Variants in MAP3K20 observed in about 807,000 individuals in gnomAD.
MAP3K20 encodes the protein HCCS-4.
A neutral mutation model predicts 85.7 loss-of-function variants in MAP3K20; 40 were observed. The ratio of observed to expected loss-of-function variants is 0.47; its 90% CI spans 0.36 to 0.61. The LOEUF (loss-of-function observed/expected upper bound fraction) is 0.61, where lower values mean the gene tolerates loss of function less well. Among genes scored for constraint, MAP3K20 ranks in the 20% least tolerant of loss-of-function variants. The pLI is 0.00. For missense variants in MAP3K20, 817 were observed against 961.7 expected (o/e 0.85, Z 1.99); for synonymous variants, 325 against 327.7 (o/e 0.99, Z 0.09).
At chr2:173,085,784 ATTTTTTTT>A (rs61431056) in intron 1 of MAP3K20, among the ~76,000 whole-genome samples, 9 of 73,760 alleles carry the variant, frequency 1.2e-4, no homozygotes, top group South Asian at 5.9e-4. Context: ...TGTAAAAGCA[ATTTTTTTT>A]TTTTTTTTTT....
At chr2:173,117,628 G>A (rs576765627) in intron 2 of MAP3K20, among the ~76,000 whole-genome samples, 23 of 151,560 alleles carry the variant, frequency 1.5e-4, no homozygotes, top group Admixed American at 3.3e-4. Context: ...TTAATTGCAC[G>A]AAAAGAATCA....
At chr2:173,256,198 T>C (rs1250479997) in intron 16 of MAP3K20, among the ~76,000 whole-genome samples, 2 of 152,244 alleles carry the variant, frequency 1.3e-5, no homozygotes, top group African/African-American at 4.8e-5. Context: ...ACAGCCTCTT[T>C]GTGGATGCCT....
intron 14 of MAP3K20, among the ~76,000 whole-genome samples, chr2:173,237,664 C>T (rs2106336132): frequency 6.6e-6 from 1 of 152,234 alleles, no homozygotes; most frequent in South Asian, 2.1e-4. Flanking sequence ...ATGTTGGACA[C>T]ATATCCAAAG....
Position 173,229,699 on chromosome 2 carries a change from C to T in MAP3K20, c.998C>T (p.Ser333Phe). The T allele has an allele frequency of 1.2e-6, 2 of 1,613,904 alleles. No homozygotes were observed. The highest frequency in any genetic ancestry group is 1.7e-6 in the Non-Finnish European group (2 of 1,179,966). Residue 333 changes from serine to phenylalanine, a missense_variant, in exon 12 of 20, where the codon TCC becomes TTC. Physicochemically the swap from Ser to Phe is radical, Grantham distance 155. This residue lies in a region of MAP3K20 where 158 missense variants were observed against 162.0 expected (regional missense o/e 0.98). Coordinates refer to ENST00000375213, the MANE Select transcript of MAP3K20 (RefSeq NM_016653.3). Reference sequence around the variant, plus strand: ...ATATTTCCCATGCAGCTGCTGCCTTCCTTTGAGATTGGTGCATGGACGGAA... The same window carrying T: ...ATATTTCCCATGCAGCTGCTGCCTTTCTTTGAGATTGGTGCATGGACGGAA... ...TEQSNTPLLP[S>F]FEIGAWTEDD...
chr2:173,220,598 A>G (rs2358089), intron 11 of MAP3K20, among the ~76,000 whole-genome samples: 30,653 of 152,060 alleles, frequency 0.2, 3,192 homozygotes, highest in Admixed American at 0.26. Context: ...ATTCTAGACT[A>G]ATTTTTAGTG....
intron 3 of MAP3K20, among the ~76,000 whole-genome samples, chr2:173,176,832 G>T (rs1460175033): frequency 6.6e-6 from 1 of 152,132 alleles, no homozygotes; most frequent in Non-Finnish European, 1.5e-5. Context: ...ATACAAATAG[G>T]TTAAAAGTAA....
chr2:173,085,674 C>G (rs1389575603), intron 1 of MAP3K20, among the ~76,000 whole-genome samples: 1 of 150,632 alleles, frequency 6.6e-6, no homozygotes, highest in African/African-American at 2.4e-5. Flanking sequence ...ATGGTAGATA[C>G]TTAACATTTA....
At chr2:173,113,044 C>G (rs1352156294) in intron 2 of MAP3K20, among the ~76,000 whole-genome samples, 1 of 152,042 alleles carries the variant, frequency 6.6e-6, no homozygotes, top group African/African-American at 2.4e-5. Context: ...CCGTCTGGTC[C>G]TGGACTTTTT....
intron 2 of MAP3K20, among the ~76,000 whole-genome samples, chr2:173,122,327 C>G (rs998022699): frequency 6.6e-5 from 10 of 152,188 alleles, no homozygotes; most frequent in Non-Finnish European, 1.5e-4. Flanking sequence ...CATGCAGAAC[C>G]CTTTATAAAT....
intron 17 of MAP3K20, among the ~76,000 whole-genome samples, chr2:173,259,590 G>A (rs780280524): frequency 6.6e-6 from 1 of 152,314 alleles, no homozygotes; most frequent in East Asian, 1.9e-4. Context: ...AGTGGGGCGT[G>A]TAGCAAAGGA....
intron 2 of MAP3K20, among the ~76,000 whole-genome samples, chr2:173,098,578 A>G (rs940238618): frequency 3.9e-5 from 6 of 152,178 alleles, no homozygotes; most frequent in African/African-American, 1.4e-4. Flanking sequence ...AAATATTCCA[A>G]AATCTGATAA....
chr2:173,185,603 A>C (rs1447825208), intron 4 of MAP3K20, among the ~76,000 whole-genome samples: 2 of 152,212 alleles, frequency 1.3e-5, no homozygotes, highest in Non-Finnish European at 2.9e-5. Flanking sequence ...AATCCACTGG[A>C]GCAATGATAT....
chr2:173,101,702 G>A (rs371735865), intron 2 of MAP3K20, among the ~76,000 whole-genome samples: 1 of 152,194 alleles, frequency 6.6e-6, no homozygotes, highest in Non-Finnish European at 1.5e-5. Flanking sequence ...AAGTATTTCA[G>A]ATAGTTTCAA....
intron 16 of MAP3K20, among the ~76,000 whole-genome samples, chr2:173,242,781 A>G (rs1186744797): frequency 1.5e-5 from 2 of 137,592 alleles, no homozygotes; most frequent in Non-Finnish European, 3.0e-5. Context: ...ATCTCGGCTC[A>G]CTGCAACCTC....
chr2:173,214,410 G>C (rs1467343068), intron 10 of MAP3K20: 1 of 152,260 alleles, frequency 6.6e-6, no homozygotes, highest in Middle Eastern at 3.4e-3. Flanking sequence ...GTGTTGTGAT[G>C]AGCGTTCCGA....
chr2:173,209,554 CT>C, intron 9 of MAP3K20, 174 bp from the exon 10 acceptor site: 1 of 493,558 alleles, frequency 2.0e-6, no homozygotes, highest in Admixed American at 3.8e-5. Context: ...AAGAATAGAG[CT>C]CCCTAAACCT....
chr2:173,216,169 T>A (rs1321899204), intron 10 of MAP3K20, among the ~76,000 whole-genome samples: 1 of 152,178 alleles, frequency 6.6e-6, no homozygotes, highest in South Asian at 2.1e-4. Flanking sequence ...AGATTTAGAC[T>A]TAAACATTGC....
intron 11 of MAP3K20, among the ~76,000 whole-genome samples, chr2:173,219,323 CCTAAAA>C (rs1684166641): frequency 1.3e-5 from 2 of 152,132 alleles, no homozygotes; most frequent in Non-Finnish European, 2.9e-5. Flanking sequence ...TATTTTCTTT[CCTAAAA>C]CTAAAACATT....
At chr2:173,182,453 G>A (rs1690359143) in intron 3 of MAP3K20, among the ~76,000 whole-genome samples, 1 of 152,128 alleles carries the variant, frequency 6.6e-6, no homozygotes, top group Admixed American at 6.5e-5. Flanking sequence ...AAGTCCTTAT[G>A]TGACAACAAT....
Sources: allele counts gnomAD v4.1 joint callset (sites outside exome capture counted in the v4.1 genomes callset), GRCh38; gene constraint gnomAD v4.1.1; regional missense constraint gnomAD v4.1.1; transcripts MANE v1.5; gene names NCBI Gene and HGNC (gene_info 2026-07-23, HGNC 2026-07-21).